The following CCNY variants were observed in gnomAD, a reference collection of about 807,000 sequenced individuals.
CCNY encodes the protein cyclin Y.
CCNY carries 19 observed loss-of-function variants against 42.8 expected under a neutral mutation model. That is an observed-to-expected ratio of 0.44 (90% CI 0.31 to 0.65). The LOEUF is 0.65. Ranked by LOEUF, CCNY falls within the 30% of genes least tolerant of loss-of-function variation. The pLI, the probability that CCNY is intolerant of heterozygous loss-of-function variation, is 0.07. For missense variants in CCNY, 370 were observed against 437.3 expected (o/e 0.85, Z 1.37); for synonymous variants, 165 against 162.7 (o/e 1.01, Z -0.11).
intron 1 of CCNY, among the ~76,000 whole-genome samples, chr10:35,379,526 G>A (rs1009405069): frequency 6.6e-6 from 1 of 152,234 alleles, no homozygotes; most frequent in Non-Finnish European, 1.5e-5. Context: ...TAGAACCAGC[G>A]AGGGAAGTGA....
intron 3 of CCNY, among the ~76,000 whole-genome samples, chr10:35,514,799 C>T (rs1469660198): frequency 1.3e-5 from 2 of 152,160 alleles, no homozygotes; most frequent in South Asian, 2.1e-4. Flanking sequence ...AGTTTATTAA[C>T]ACCAGAAAAA....
chr10:35,358,097 C>T (rs1000524591), intron 1 of CCNY, among the ~76,000 whole-genome samples: 1 of 152,078 alleles, frequency 6.6e-6, no homozygotes, highest in Non-Finnish European at 1.5e-5. Flanking sequence ...TTGGAAAATG[C>T]ACTTTTTTGC....
intron 1 of CCNY, among the ~76,000 whole-genome samples, chr10:35,430,894 G>A (rs904904548): frequency 6.6e-6 from 1 of 151,936 alleles, no homozygotes; most frequent in African/African-American, 2.4e-5. Flanking sequence ...ATCCGCGGGT[G>A]GATCACAAGG....
At position 35,385,983 on chromosome 10, in the gene CCNY, G is replaced by A. The variant is rs114155112; in HGVS notation, c.154+48776G>A. On this transcript the variant is annotated intron_variant, in intron 1 of 9. Transcript: ENST00000374704. ...TCCTAATGCGTCTCATGTTTTAAGT[G>A]TCTTGCTCCTTTGTCTTTCTGTTTT... Among the ~76,000 whole-genome samples the A allele has an allele frequency of 6.8e-3, 1,034 of 152,164 alleles. 11 individuals are homozygous for A. The highest frequency in any genetic ancestry group is 0.024 in the African/African-American group (988 of 41,530).
chr10:35,435,582 C>T (rs898325784), intron 1 of CCNY, among the ~76,000 whole-genome samples: 6 of 152,206 alleles, frequency 3.9e-5, no homozygotes, highest in African/African-American at 1.2e-4. Flanking sequence ...CAATGCTTAA[C>T]CTTTATTTTA....
At chr10:35,470,235 A>AGATGGAGAGACAGACAGGGC (rs1839364127) in intron 1 of CCNY, among the ~76,000 whole-genome samples, 4 of 151,694 alleles carry the variant, frequency 2.6e-5, no homozygotes, top group Non-Finnish European at 4.4e-5. Flanking sequence ...ACAGACAGGG[A>AGATGGAGAGACAGACAGGGC]GATGGAGAGA....
chr10:35,390,674 C>G (rs907084492), intron 1 of CCNY, among the ~76,000 whole-genome samples: 1 of 152,138 alleles, frequency 6.6e-6, no homozygotes, highest in African/African-American at 2.4e-5. Flanking sequence ...GCAGGGCAGA[C>G]CTCTTCTTCC....
At chr10:35,287,092 C>T (rs1021937750) in intron 3 of CCNY, among the ~76,000 whole-genome samples, 4 of 152,258 alleles carry the variant, frequency 2.6e-5, no homozygotes, top group Non-Finnish European at 5.9e-5. Context: ...TTATGTAGAA[C>T]TTAAAAGGAT....
At chr10:35,380,382 A>G (rs1037154609) in intron 1 of CCNY, among the ~76,000 whole-genome samples, 3 of 152,200 alleles carry the variant, frequency 2.0e-5, no homozygotes, top group Non-Finnish European at 4.4e-5. Flanking sequence ...TGGGAATCCT[A>G]TCCTTCCAGT....
chr10:35,343,735 G>A (rs1020271235), intron 1 of CCNY, among the ~76,000 whole-genome samples: 2 of 152,170 alleles, frequency 1.3e-5, no homozygotes, highest in African/African-American at 2.4e-5. Context: ...ACTAATGCAA[G>A]GATTAAATTT....
chr10:35,314,466 C>G (rs1342824798), intron 3 of CCNY: 1 of 151,816 alleles, frequency 6.6e-6, no homozygotes, highest in Non-Finnish European at 1.5e-5. Flanking sequence ...CCACAGGGTC[C>G]CAGCCACAAC....
At chr10:35,344,040 G>C (rs1836245438) in intron 1 of CCNY, among the ~76,000 whole-genome samples, 1 of 152,192 alleles carries the variant, frequency 6.6e-6, no homozygotes, top group Admixed American at 6.5e-5. Context: ...CCAGTTTATA[G>C]CTGGAAGAAG....
At chr10:35,412,461 T>G (rs1331782209) in intron 1 of CCNY, among the ~76,000 whole-genome samples, 2 of 151,994 alleles carry the variant, frequency 1.3e-5, no homozygotes, top group African/African-American at 4.8e-5. Context: ...GTACAGAGGC[T>G]GCAGAGAAGA....
At chr10:35,405,509 G>A (rs1208477615) in intron 1 of CCNY, among the ~76,000 whole-genome samples, 5 of 152,122 alleles carry the variant, frequency 3.3e-5, no homozygotes, top group Non-Finnish European at 7.4e-5. Flanking sequence ...CGGGCAGGTG[G>A]GGATAACTAA....
At chr10:35,463,271 A>G (rs960459718) in intron 1 of CCNY, among the ~76,000 whole-genome samples, 2 of 152,228 alleles carry the variant, frequency 1.3e-5, no homozygotes, top group Non-Finnish European at 2.9e-5. Context: ...GTCTGTGAGG[A>G]TTAAATAAAC....
intron 4 of CCNY, among the ~76,000 whole-genome samples, chr10:35,520,615 T>G (rs778745618): frequency 6.6e-6 from 1 of 152,046 alleles, no homozygotes; most frequent in Non-Finnish European, 1.5e-5. Context: ...ACCTGTAAAG[T>G]GGGGATTGCC....
rs531301147 is a variant in CCNY at position 35,531,055 on chromosome 10, C to T, written c.579+812C>T. Among the ~76,000 whole-genome samples the T allele has an allele frequency of 5.9e-5, 9 of 152,298 alleles. No individual in the cohort carries two copies. The South Asian group carries it at 1.9e-3, about 32-fold the overall frequency. ...CTGCACTCCAGCCCGAGGGGCAGAG[C>T]GAGACCCTGTCTCAAAAGAAAAAGT... On this transcript the variant is annotated intron_variant, in intron 7 of 9. Coordinates refer to ENST00000374704, the MANE Select transcript of CCNY (RefSeq NM_145012.6).
At chr10:35,438,088 A>G (rs1838579317) in intron 1 of CCNY, among the ~76,000 whole-genome samples, 1 of 151,834 alleles carries the variant, frequency 6.6e-6, no homozygotes, top group East Asian at 1.9e-4. Flanking sequence ...TACAAATGAT[A>G]GCGTCCAGGA....
Position 35,407,477 on chromosome 10 carries a change from T to C in CCNY, c.154+70270T>C, listed in dbSNP as rs571700921. Among the ~76,000 whole-genome samples, 4 of 152,176 alleles carry C rather than the reference T, an allele frequency of 2.6e-5. No individual in the cohort carries two copies. The South Asian group carries it at 8.3e-4, about 32-fold the overall frequency. ...AGCAGAGACTAGGGAGGGACCAGTG[T>C]GTAAAAGAATGCCTGGACATCAGGC... is the stretch of plus-strand genomic sequence containing the variant. On this transcript the variant is annotated intron_variant, in intron 1 of 9. Transcript: ENST00000374704.
Sources: allele counts gnomAD v4.1 joint callset (sites outside exome capture counted in the v4.1 genomes callset), GRCh38; gene constraint gnomAD v4.1.1; transcripts MANE v1.5; gene names NCBI Gene and HGNC (gene_info 2026-07-23, HGNC 2026-07-21).